Variants in KLHL1 observed in about 807,000 individuals in gnomAD.
KLHL1 encodes kelch-like protein 1.
KLHL1 carries 47 observed loss-of-function variants against 77.7 expected under a neutral mutation model. That is an observed-to-expected ratio of 0.60 (90% CI 0.48 to 0.77). KLHL1 has a LOEUF of 0.77. Among genes scored for constraint, KLHL1 ranks in the 30% least tolerant of loss-of-function variants. KLHL1 has a pLI of 0.00. For synonymous variants in KLHL1, 360 were observed against 325.2 expected (o/e 1.11, Z -1.15); for missense variants, 925 against 910.8 (o/e 1.02, Z -0.20).
intron 7 of KLHL1, among the ~76,000 whole-genome samples, chr13:69,781,339 G>GGTTCAT (rs1876196396): frequency 7.3e-6 from 1 of 136,320 alleles, no homozygotes; most frequent in Non-Finnish European, 1.5e-5. Context: ...GGAATTTTGA[G>GGTTCAT]GTTCATGTTC....
At chr13:69,781,470 A>T (rs1225264762) in intron 7 of KLHL1, among the ~76,000 whole-genome samples, 1 of 152,066 alleles carries the variant, frequency 6.6e-6, no homozygotes, top group Non-Finnish European at 1.5e-5. Context: ...AGTTTGAAGC[A>T]TGCTTTCATT....
At chr13:69,813,503 C>CACACACAGATAT (rs34163072) in intron 6 of KLHL1, among the ~76,000 whole-genome samples, 4 of 148,840 alleles carry the variant, frequency 2.7e-5, no homozygotes, top group African/African-American at 1.0e-4. Flanking sequence ...CACACACACA[C>CACACACAGATAT]ATATATATAT....
chr13:69,924,123 G>T (rs1360942276), intron 4 of KLHL1, among the ~76,000 whole-genome samples: 1 of 152,226 alleles, frequency 6.6e-6, no homozygotes, highest in African/African-American at 2.4e-5. Context: ...AAGCATGGGA[G>T]GGAGGCCAAG....
At position 69,839,177 on chromosome 13, in the gene KLHL1, C is replaced by A; in HGVS notation, c.1228-15G>T. On this transcript the variant is annotated splice_polypyrimidine_tract_variant and intron_variant, in intron 5 of 10. Transcript: ENST00000377844. The stretch of plus-strand genomic sequence containing the variant: ...TCAGCCAATATCTGTGAATAATACA[C>A]AATAGCTGTTAATAATGTTTTCAAA... 6.6e-7 allele frequency: 1 copy of A among 1,516,112 alleles called. No homozygotes were observed. The highest frequency in any genetic ancestry group is 1.2e-5 in the South Asian group (1 of 80,774). The allele number at this position is 1,516,112 out of a possible 1,614,324, so 93.9% of individuals were successfully genotyped here.
intron 1 of KLHL1, among the ~76,000 whole-genome samples, chr13:70,073,631 C>G (rs992770287): frequency 1.3e-5 from 2 of 151,716 alleles, no homozygotes; most frequent in African/African-American, 2.4e-5. Flanking sequence ...CTTCTAAAAA[C>G]CCGGGTGTGG....
intron 1 of KLHL1, among the ~76,000 whole-genome samples, chr13:70,078,556 A>G (rs913246114): frequency 2.4e-4 from 36 of 152,102 alleles, no homozygotes; most frequent in African/African-American, 8.4e-4. Context: ...CAGTCACACA[A>G]ACAGTTTTCT....
At chr13:70,061,631 T>C (rs781034804) in intron 1 of KLHL1, among the ~76,000 whole-genome samples, 1 of 152,128 alleles carries the variant, frequency 6.6e-6, no homozygotes, top group Non-Finnish European at 1.5e-5. Flanking sequence ...TTAGAGTCCA[T>C]TCCCCACCCT....
intron 6 of KLHL1, among the ~76,000 whole-genome samples, chr13:69,837,626 GTGTGTATATATATATA>G (rs1489378180): frequency 1.1e-4 from 14 of 132,648 alleles, no homozygotes; most frequent in East Asian, 4.0e-4. Context: ...ATATATATGT[GTGTGTATATATATATA>G]TGTGTATATA....
At chr13:69,881,397 G>T (rs1218773166) in intron 5 of KLHL1, among the ~76,000 whole-genome samples, 3 of 152,008 alleles carry the variant, frequency 2.0e-5, no homozygotes, top group African/African-American at 4.8e-5. Context: ...TAAAAATGTT[G>T]ATTGTGATTT....
intron 1 of KLHL1, among the ~76,000 whole-genome samples, chr13:69,987,779 A>G (rs1884913331): frequency 1.3e-5 from 2 of 152,124 alleles, no homozygotes; most frequent in South Asian, 4.1e-4. Flanking sequence ...AAATATCTAT[A>G]ATAATATGGG....
At chr13:69,945,114 T>C (rs1417189842) in intron 3 of KLHL1, among the ~76,000 whole-genome samples, 4 of 150,070 alleles carry the variant, frequency 2.7e-5, no homozygotes, top group Non-Finnish European at 5.9e-5. Context: ...GCCTCCCAGG[T>C]AGCTGGGATT....
chr13:69,898,849 G>T (rs991006107), intron 4 of KLHL1, among the ~76,000 whole-genome samples: 2 of 152,146 alleles, frequency 1.3e-5, no homozygotes, highest in African/African-American at 2.4e-5. Flanking sequence ...AATGCCACAT[G>T]TGGCTTGTGA....
intron 6 of KLHL1, among the ~76,000 whole-genome samples, chr13:69,826,198 G>A (rs758323249): frequency 6.6e-6 from 1 of 152,088 alleles, no homozygotes; most frequent in Non-Finnish European, 1.5e-5. Context: ...AGAAATGTTG[G>A]TCAAGGAACA....
At chr13:69,838,243 T>C (rs974836026) in intron 6 of KLHL1, among the ~76,000 whole-genome samples, 2 of 151,760 alleles carry the variant, frequency 1.3e-5, no homozygotes, top group Non-Finnish European at 3.0e-5. Context: ...TTGTTGCCAA[T>C]TCCAGCTTTT....
intron 5 of KLHL1, among the ~76,000 whole-genome samples, chr13:69,850,279 C>A (rs1264518344): frequency 6.6e-6 from 1 of 151,528 alleles, no homozygotes; most frequent in Non-Finnish European, 1.5e-5. Flanking sequence ...ACCTGCACTT[C>A]ACTTTTAAGC....
intron 6 of KLHL1, among the ~76,000 whole-genome samples, chr13:69,831,386 T>C (rs970163580): frequency 2.0e-5 from 3 of 149,718 alleles, no homozygotes; most frequent in Non-Finnish European, 4.4e-5. Flanking sequence ...CACTGTCCTA[T>C]ATTAAACCAG....
At chr13:70,035,847 T>C (rs886908642) in intron 1 of KLHL1, among the ~76,000 whole-genome samples, 8 of 152,034 alleles carry the variant, frequency 5.3e-5, no homozygotes, top group African/African-American at 1.7e-4. Context: ...TGGATATGTC[T>C]AGTATTTTAA....
intron 1 of KLHL1, among the ~76,000 whole-genome samples, chr13:70,064,087 A>C (rs1387678680): frequency 6.6e-6 from 1 of 152,168 alleles, no homozygotes; most frequent in East Asian, 1.9e-4. Flanking sequence ...ATTAATGGAC[A>C]CAAAGACAGG....
intron 4 of KLHL1, among the ~76,000 whole-genome samples, chr13:69,888,574 G>A (rs1460470852): frequency 6.6e-6 from 1 of 152,176 alleles, no homozygotes. Flanking sequence ...GTGTAGTTAT[G>A]CTACCACAAA....
Sources: allele counts gnomAD v4.1 joint callset (sites outside exome capture counted in the v4.1 genomes callset), GRCh38; gene constraint gnomAD v4.1.1; transcripts MANE v1.5; gene names NCBI Gene and HGNC (gene_info 2026-07-23, HGNC 2026-07-21).